RGL1: variants seen among roughly 807,000 people sequenced by gnomAD.
The protein encoded by RGL1 is ral guanine nucleotide dissociation stimulator like 1.
RGL1 carries 24 observed loss-of-function variants against 95.2 expected under a neutral mutation model. The ratio of observed to expected loss-of-function variants is 0.25; its 90% CI spans 0.18 to 0.35. The LOEUF (loss-of-function observed/expected upper bound fraction) is 0.35. RGL1 is among the 10% of genes least tolerant of loss of function. The pLI is 1.00. For missense variants in RGL1, 715 were observed against 936.3 expected (o/e 0.76, Z 3.08); for synonymous variants, 329 against 344.9 (o/e 0.95, Z 0.51).
At chr1:183,743,316 A>G (rs1226822545) in intron 2 of RGL1, among the ~76,000 whole-genome samples, 1 of 152,160 alleles carries the variant, frequency 6.6e-6, no homozygotes, top group Admixed American at 6.6e-5. Flanking sequence ...GCCCAGCCCC[A>G]AAAGCTAGAG....
At chr1:183,638,134 A>G (rs1649674211) in intron 1 of RGL1, among the ~76,000 whole-genome samples, 2 of 152,074 alleles carry the variant, frequency 1.3e-5, no homozygotes, top group African/African-American at 4.8e-5. Context: ...GAAATTTTTT[A>G]TTTTCTTATT....
At chr1:183,866,598 C>T (rs547267670) in intron 4 of RGL1, among the ~76,000 whole-genome samples, 5 of 152,230 alleles carry the variant, frequency 3.3e-5, no homozygotes, top group African/African-American at 9.6e-5. Context: ...GTGGCCGGAG[C>T]GCGTGCTAGG....
At position 183,902,577 on chromosome 1, in the gene RGL1, A is replaced by G. The variant is rs1328236296; in HGVS notation, c.1327A>G (p.Ile443Val). The G allele has an allele frequency of 2.5e-6, 4 of 1,611,318 alleles. No homozygotes were observed. Among genetic ancestry groups the G allele is most frequent in the South Asian group, 1.1e-5 (1 of 90,394 alleles). The change falls in exon 12 of 18, where the codon ATA (isoleucine) becomes GTA (valine). Residue 443 changes from isoleucine to valine, a missense_variant. Physicochemically the swap from Ile to Val is conservative, Grantham distance 29. This residue lies in a region of RGL1 where 330 missense variants were observed against 429.6 expected (regional missense o/e 0.77). Transcript: ENST00000360851. ...TTAAAATTTCTTTTAGGGTGGACTG[A>G]TAAACTTTGAGAAAAGGAGAAGGGT... ...ALQDYIEGGL[I>V]NFEKRRREFE...
At chr1:183,679,171 A>G (rs577467625) in intron 1 of RGL1, among the ~76,000 whole-genome samples, 1 of 152,262 alleles carries the variant, frequency 6.6e-6, no homozygotes, top group South Asian at 2.1e-4. Context: ...TTAAATTTCT[A>G]CCTAAGTTAT....
At chr1:183,860,842 G>C (rs1349150541) in intron 3 of RGL1, among the ~76,000 whole-genome samples, 2 of 152,146 alleles carry the variant, frequency 1.3e-5, no homozygotes, top group African/African-American at 4.8e-5. Context: ...GTCTAGAATA[G>C]TACCTGTACG....
intron 1 of RGL1, among the ~76,000 whole-genome samples, chr1:183,704,726 A>G (rs1033450891): frequency 1.3e-5 from 2 of 152,240 alleles, no homozygotes; most frequent in African/African-American, 4.8e-5. Flanking sequence ...AATAGAGCAT[A>G]GAGTTGGAGG....
intron 1 of RGL1, among the ~76,000 whole-genome samples, chr1:183,671,337 C>T (rs370655098): frequency 6.6e-6 from 1 of 152,332 alleles, no homozygotes; most frequent in South Asian, 2.1e-4. Context: ...TTCCACTTTT[C>T]TTGCATGTAT....
At chr1:183,867,983 C>G (rs1326941482) in intron 4 of RGL1, among the ~76,000 whole-genome samples, 1 of 152,142 alleles carries the variant, frequency 6.6e-6, no homozygotes, top group Non-Finnish European at 1.5e-5. Context: ...TCCAGAAAAC[C>G]AGACATACCA....
intron 1 of RGL1, among the ~76,000 whole-genome samples, chr1:183,661,761 A>C (rs1651646914): frequency 6.6e-6 from 1 of 151,036 alleles, no homozygotes; most frequent in Admixed American, 6.6e-5. Context: ...CAACCAAAAA[A>C]GAGAATTTTA....
rs546691316 is a variant in RGL1 at position 183,705,968 on chromosome 1, G to T, written c.-32-36158G>T. On this transcript the variant is annotated intron_variant, in intron 1 of 18. Coordinates refer to the RGL1 transcript ENST00000304685. ...GACTTTAAGAGTAACGTGGACAGGG[G>T]TGTGGTGTTTTGTGATTGAGGGTGT... 7.2e-5 allele frequency among the ~76,000 whole-genome samples: 11 copies of T among 152,218 alleles called. No individual in the cohort carries two copies. In the East Asian group the frequency reaches 1.5e-3, roughly 21 times the overall value.
intron 1 of RGL1, among the ~76,000 whole-genome samples, chr1:183,685,125 A>G (rs1459837073): frequency 6.6e-6 from 1 of 152,202 alleles, no homozygotes; most frequent in Non-Finnish European, 1.5e-5. Context: ...GAAATTGGAG[A>G]AATGTATACA....
rs536068318 is a variant in RGL1 at position 183,880,934 on chromosome 1, C to T, written c.610+134C>T. 43 of 762,820 alleles carry T rather than the reference C, an allele frequency of 5.6e-5. No individual in the cohort carries two copies. The African/African-American group carries it at 6.7e-4, about 12-fold the overall frequency. 47.3% of individuals were successfully genotyped at this position (762,820 alleles called of 1,614,324 possible). ...AAACAACATGCTGCTGGAGGATTGGCTTGAGTATAAAATTCTCAAGATTAC... is the reference window on the plus strand; with the variant it reads ...AAACAACATGCTGCTGGAGGATTGGTTTGAGTATAAAATTCTCAAGATTAC... On this transcript the variant is annotated intron_variant, in intron 5 of 17. Transcript: ENST00000360851.
At chr1:183,674,743 A>C (rs2102061727) in intron 1 of RGL1, among the ~76,000 whole-genome samples, 1 of 152,352 alleles carries the variant, frequency 6.6e-6, no homozygotes, top group African/African-American at 2.4e-5. Context: ...ACCGGTAGTG[A>C]GCCCACAGAA....
intron 3 of RGL1, among the ~76,000 whole-genome samples, chr1:183,851,091 A>G (rs539620812): frequency 6.6e-6 from 1 of 152,346 alleles, no homozygotes; most frequent in East Asian, 1.9e-4. Context: ...TTTTTAAAAC[A>G]CTAACTGGAT....
chr1:183,750,979 CTG>C (rs1657962083), intron 2 of RGL1, among the ~76,000 whole-genome samples: 1 of 152,222 alleles, frequency 6.6e-6, no homozygotes, highest in South Asian at 2.1e-4. Flanking sequence ...CAGAGCTCTC[CTG>C]TATGAGGTGT....
intron 3 of RGL1, 46 bp downstream of exon 3, chr1:183,847,820 T>G (rs762286344): frequency 6.7e-7 from 1 of 1,481,966 alleles, no homozygotes; most frequent in South Asian, 1.1e-5. Context: ...TGTAGGCTGA[T>G]TATGGAGTGG....
chr1:183,921,500 G>A (rs112781417), intron 16 of RGL1, among the ~76,000 whole-genome samples: 307 of 152,166 alleles, frequency 2.0e-3, no homozygotes, highest in African/African-American at 6.2e-3. Flanking sequence ...TTTTGTGTCC[G>A]GTTTCTTTTG....
intron 2 of RGL1, among the ~76,000 whole-genome samples, chr1:183,834,735 C>G (rs1663516820): frequency 6.6e-6 from 1 of 152,132 alleles, no homozygotes; most frequent in Non-Finnish European, 1.5e-5. Context: ...GTTGCCCAGG[C>G]TGGAGTGCAG....
chr1:183,902,672 T>A, intron 12 of RGL1, 72 bp downstream of exon 12: 1 of 1,478,882 alleles, frequency 6.8e-7, no homozygotes, highest in Non-Finnish European at 9.3e-7. Context: ...GACTTAAGTT[T>A]TTTTGTAGAG....
Sources: allele counts gnomAD v4.1 joint callset (sites outside exome capture counted in the v4.1 genomes callset), GRCh38; gene constraint gnomAD v4.1.1; regional missense constraint gnomAD v4.1.1; transcripts MANE v1.5; gene names NCBI Gene and HGNC (gene_info 2026-07-23, HGNC 2026-07-21).